The following USH2A variants were observed in gnomAD, a reference collection of about 807,000 sequenced individuals.
USH2A encodes usherin.
Under a neutral mutation model 538.9 loss-of-function variants are expected in USH2A, and 443 were observed. That is an observed-to-expected ratio of 0.82 (90% CI 0.76 to 0.89). The LOEUF is 0.89. USH2A is among the 40% of genes least tolerant of loss of function. USH2A has a pLI of 0.00. For missense variants in USH2A, 6,633 were observed against 6,324.8 expected, an observed-to-expected ratio of 1.05 and a Z score of -1.65; for synonymous variants, 2,413 against 2,273.5, an observed-to-expected ratio of 1.06 and a Z score of -1.75.
At chr1:216,322,610 AAAAAAAAAAAG>A (rs2037640168) in intron 8 of USH2A, among the ~76,000 whole-genome samples, 1 of 151,948 alleles carries the variant, frequency 6.6e-6, no homozygotes, top group Admixed American at 6.6e-5. Flanking sequence ...CTGTCAAAAA[AAAAAAAAAAAG>A]AAAGAAAAAA....
chr1:216,072,709 A>G, intron 29 of USH2A, 180 bp downstream of exon 29: 1 of 648,770 alleles, frequency 1.5e-6, no homozygotes, highest in Non-Finnish European at 2.8e-6. Context: ...TTGGTAAATG[A>G]AAAGCACTGA....
intron 32 of USH2A, among the ~76,000 whole-genome samples, chr1:216,012,697 C>A (rs184615832): frequency 1.1e-4 from 16 of 152,116 alleles, no homozygotes; most frequent in Non-Finnish European, 5.9e-5. Context: ...TAAAAACACA[C>A]CTCACCAAGC....
intron 3 of USH2A, among the ~76,000 whole-genome samples, chr1:216,370,987 G>C (rs12117042): frequency 1.3e-5 from 2 of 152,132 alleles, no homozygotes; most frequent in African/African-American, 2.4e-5. Context: ...TGCCTTCCCA[G>C]ATCGCTGCTT....
At chr1:216,258,049 A>G (rs1266301379) in intron 11 of USH2A, among the ~76,000 whole-genome samples, 1 of 152,080 alleles carries the variant, frequency 6.6e-6, no homozygotes, top group African/African-American at 2.4e-5. Flanking sequence ...CATCCTCATT[A>G]TAAGTTGTAC....
chr1:215,852,029 G>T (rs1427515992), intron 44 of USH2A, among the ~76,000 whole-genome samples: 1 of 152,062 alleles, frequency 6.6e-6, no homozygotes, highest in Non-Finnish European at 1.5e-5. Flanking sequence ...GGCATAGAAA[G>T]GACATACTTT....
intron 44 of USH2A, among the ~76,000 whole-genome samples, chr1:215,852,129 T>A (rs1664034727): frequency 6.6e-6 from 1 of 152,190 alleles, no homozygotes; most frequent in East Asian, 1.9e-4. Context: ...CTCATGCTGC[T>A]GATAGAGACA....
chr1:215,694,613 C>A (rs1258406388), intron 61 of USH2A, among the ~76,000 whole-genome samples: 4 of 152,134 alleles, frequency 2.6e-5, no homozygotes, highest in Admixed American at 2.0e-4. Context: ...TTCAAAATTT[C>A]TTTGTCATAA....
At chr1:215,695,476 T>C (rs1658775535) in intron 61 of USH2A, among the ~76,000 whole-genome samples, 1 of 151,928 alleles carries the variant, frequency 6.6e-6, no homozygotes, top group Non-Finnish European at 1.5e-5. Context: ...AAAAATCAAT[T>C]GTATTTCCCA....
chr1:216,065,529 G>T (rs763913071), intron 30 of USH2A, among the ~76,000 whole-genome samples: 1 of 152,146 alleles, frequency 6.6e-6, no homozygotes, highest in Non-Finnish European at 1.5e-5. Context: ...TGCATTAGAT[G>T]AGATAAACAT....
In USH2A at chr1:216,066,141, G is replaced by A. The variant is rs374736356; in HGVS notation, c.6049+3960C>T. On this transcript the variant is annotated intron_variant, in intron 30 of 71. Transcript: ENST00000307340. The stretch of plus-strand genomic sequence containing the variant: ...CAATCTTGCATTCTGCTTGCTGGTG[G>A]AAGCATAATTTGTACAGCTTTTTGG... Among the ~76,000 whole-genome samples, 3 of 151,970 alleles carry A rather than the reference G, an allele frequency of 2.0e-5. No homozygotes were observed. In the East Asian group the frequency reaches 5.9e-4, roughly 30 times the overall value.
intron 4 of USH2A, among the ~76,000 whole-genome samples, chr1:216,331,797 G>A (rs1394906626): frequency 6.6e-6 from 1 of 152,062 alleles, no homozygotes; most frequent in Non-Finnish European, 1.5e-5. Context: ...GCAAGGCAAT[G>A]TATATAGGTA....
chr1:216,092,877 C>T (rs1015156767), intron 22 of USH2A, among the ~76,000 whole-genome samples: 1 of 152,108 alleles, frequency 6.6e-6, no homozygotes, highest in African/African-American at 2.4e-5. Flanking sequence ...AGCAGTTTTA[C>T]CTTATGGAGA....
chr1:216,353,217 C>T (rs1404884832), intron 4 of USH2A, among the ~76,000 whole-genome samples: 3 of 151,546 alleles, frequency 2.0e-5, no homozygotes, highest in East Asian at 1.9e-4. Context: ...TTGAAGATCC[C>T]GGGAGGGATG....
At chr1:216,341,418 A>G (rs1231353627) in intron 4 of USH2A, among the ~76,000 whole-genome samples, 2 of 151,950 alleles carry the variant, frequency 1.3e-5, no homozygotes, top group East Asian at 3.9e-4. Context: ...TGGCCACACC[A>G]CGCAAAGTAA....
chr1:216,118,371 T>C (rs1484836316), intron 21 of USH2A, among the ~76,000 whole-genome samples: 1 of 152,138 alleles, frequency 6.6e-6, no homozygotes, highest in Non-Finnish European at 1.5e-5. Flanking sequence ...CTTGAATACC[T>C]GCAAAGTCCA....
At chr1:215,984,918 G>T (rs932512874) in intron 35 of USH2A, among the ~76,000 whole-genome samples, 4 of 152,162 alleles carry the variant, frequency 2.6e-5, no homozygotes, top group African/African-American at 9.7e-5. Flanking sequence ...AAAAGGAAAA[G>T]AGAGAAGAGC....
Position 215,888,632 on chromosome 1 carries a change from C to T in USH2A, c.8017G>A (p.Val2673Met). 1 of 1,614,138 alleles carries T rather than the reference C, an allele frequency of 6.2e-7. No homozygotes were observed. Among genetic ancestry groups the T allele is most frequent in the Non-Finnish European group, 8.5e-7 (1 of 1,180,012 alleles). ...ATGGAATGACTCCTCGGGAGAGTCA[C>T]CAGGGTAGTAACTTCTTCCTTTCCT... ...VKGKEEVTTL[V>M]TLPRSHSMRF... The change falls in exon 41 of 72, where the codon GTG becomes ATG. Residue 2673 changes from valine (V) to methionine (M), a missense_variant. Val to Met is a conservative substitution (Grantham distance 21, BLOSUM62 1). Coordinates refer to ENST00000307340, the MANE Select transcript of USH2A (RefSeq NM_206933.4).
intron 51 of USH2A, among the ~76,000 whole-genome samples, chr1:215,788,903 G>T (rs1041862396): frequency 4.2e-5 from 5 of 120,070 alleles, no homozygotes; most frequent in African/African-American, 1.5e-4. Context: ...CAAATGGAAT[G>T]AAACTTGGAA....
chr1:216,179,118 A>G (rs2034443775), intron 20 of USH2A, among the ~76,000 whole-genome samples: 2 of 152,096 alleles, frequency 1.3e-5, no homozygotes, highest in Admixed American at 1.3e-4. Context: ...ACTCAACTCA[A>G]TGGAGATAAT....
Sources: gnomAD v4.1 joint callset for allele counts (sites outside exome capture counted in the v4.1 genomes callset) on GRCh38, gnomAD v4.1.1 for gene constraint, MANE v1.5 for transcripts, NCBI Gene and HGNC (gene_info 2026-07-23, HGNC 2026-07-21) for gene names.